Variants in GPC6 observed in about 807,000 individuals in gnomAD.
The protein encoded by GPC6 is glypican-6.
In GPC6, 14 loss-of-function variants were observed where a neutral mutation model predicts 55.2. That is an observed-to-expected ratio of 0.25 (90% confidence interval 0.17 to 0.40). GPC6 has a LOEUF of 0.40. Ranked by LOEUF, GPC6 falls within the 10% of genes least tolerant of loss-of-function variation. GPC6 has a pLI of 1.00. For missense variants in GPC6, 641 were observed against 708.5 expected, an observed-to-expected ratio of 0.90 and a Z score of 1.08; for synonymous variants, 278 against 259.6, an observed-to-expected ratio of 1.07 and a Z score of -0.68.
intron 1 of GPC6, among the ~76,000 whole-genome samples, chr13:93,531,848 C>T (rs1881880620): frequency 6.6e-6 from 1 of 152,108 alleles, no homozygotes; most frequent in Non-Finnish European, 1.5e-5. Flanking sequence ...ACTTCTCAAG[C>T]CCTAGAATAA....
chr13:93,807,567 A>T (rs529237813), intron 2 of GPC6, among the ~76,000 whole-genome samples: 1 of 152,204 alleles, frequency 6.6e-6, no homozygotes, highest in Non-Finnish European at 1.5e-5. Flanking sequence ...AAGAACTTAC[A>T]TTCCAACAAG....
At chr13:94,328,796 A>T (rs978296233) in intron 6 of GPC6, among the ~76,000 whole-genome samples, 16 of 152,146 alleles carry the variant, frequency 1.1e-4, no homozygotes, top group African/African-American at 3.1e-4. Context: ...CTGTGGGAGG[A>T]GATGCTGGCT....
chr13:93,354,917 G>C (rs982956963), intron 1 of GPC6, among the ~76,000 whole-genome samples: 3 of 152,046 alleles, frequency 2.0e-5, no homozygotes, highest in Non-Finnish European at 2.9e-5. Context: ...ACCTTCCTGT[G>C]TTTTTATCTA....
At chr13:94,004,433 C>G (rs1566643814) in intron 3 of GPC6, among the ~76,000 whole-genome samples, 1 of 152,052 alleles carries the variant, frequency 6.6e-6, no homozygotes, top group East Asian at 1.9e-4. Flanking sequence ...ATCCCAGTTT[C>G]ATGTCTGAAA....
At chr13:93,288,750 A>G (rs1878220086) in intron 1 of GPC6, among the ~76,000 whole-genome samples, 1 of 152,224 alleles carries the variant, frequency 6.6e-6, no homozygotes, top group Non-Finnish European at 1.5e-5. Context: ...TGATGTCTGG[A>G]TAACCAATGA....
At position 93,561,888 on chromosome 13, in the gene GPC6, GAGA is replaced by G. The variant is rs1328381394; in HGVS notation, c.319+16471_319+16473del. Among the ~76,000 whole-genome samples the G allele has an allele frequency of 2.0e-5, 3 of 152,226 alleles. No homozygotes were observed. In the East Asian group the frequency reaches 5.8e-4, roughly 30 times the overall value. ...TTGAGCCACCCATTGCAGGCTTGGGGAGAAGATTTTGAAGGGTCAAATTGCATG... is the reference window on the plus strand; with the variant it reads ...TTGAGCCACCCATTGCAGGCTTGGGGAGATTTTGAAGGGTCAAATTGCATG... On this transcript the variant is annotated intron_variant, in intron 2 of 8. Transcript: ENST00000377047.
intron 6 of GPC6, among the ~76,000 whole-genome samples, chr13:94,313,441 A>C (rs1375939111): frequency 6.6e-6 from 1 of 152,194 alleles, no homozygotes; most frequent in Non-Finnish European, 1.5e-5. Context: ...TCTTTTGGGC[A>C]TGTGTAAGAA....
At chr13:94,001,826 A>G (rs963491939) in intron 3 of GPC6, among the ~76,000 whole-genome samples, 19 of 152,174 alleles carry the variant, frequency 1.2e-4, no homozygotes, top group Admixed American at 5.9e-4. Flanking sequence ...GTTCAAGACT[A>G]TTGCAATGGG....
chr13:93,451,053 G>C (rs944999606), intron 1 of GPC6, among the ~76,000 whole-genome samples: 1 of 152,124 alleles, frequency 6.6e-6, no homozygotes, highest in Admixed American at 6.5e-5. Context: ...GGCAAGATCT[G>C]GCAGGAGCAA....
intron 2 of GPC6, among the ~76,000 whole-genome samples, chr13:93,613,978 T>A (rs1311729897): frequency 6.6e-6 from 1 of 152,222 alleles, no homozygotes; most frequent in Admixed American, 6.5e-5. Context: ...GGTGGGCAAT[T>A]GACTAGGTCA....
At chr13:93,275,391 A>T (rs988897985) in intron 1 of GPC6, among the ~76,000 whole-genome samples, 1 of 152,202 alleles carries the variant, frequency 6.6e-6, no homozygotes, top group African/African-American at 2.4e-5. Flanking sequence ...AGAGAGCCTC[A>T]TTCTTCAGAA....
intron 4 of GPC6, among the ~76,000 whole-genome samples, chr13:94,176,452 T>A (rs1470562450): frequency 2.0e-5 from 3 of 152,106 alleles, no homozygotes; most frequent in East Asian, 1.9e-4. Context: ...TGGAACTACA[T>A]CCCCAAAGCA....
intron 3 of GPC6, among the ~76,000 whole-genome samples, chr13:93,935,815 AG>A (rs935913728): frequency 6.6e-6 from 1 of 152,186 alleles, no homozygotes; most frequent in African/African-American, 2.4e-5. Context: ...TGTTTATCAA[AG>A]GTAGTTCTTG....
intron 3 of GPC6, among the ~76,000 whole-genome samples, chr13:93,940,794 C>T (rs190176209): frequency 7.2e-4 from 110 of 152,084 alleles, no homozygotes; most frequent in Middle Eastern, 3.4e-3. Context: ...CTTATCTCAT[C>T]GACATACATT....
chr13:93,445,710 A>G (rs544278603), intron 1 of GPC6, among the ~76,000 whole-genome samples: 3 of 152,222 alleles, frequency 2.0e-5, no homozygotes, highest in Non-Finnish European at 4.4e-5. Context: ...GATCTTATTC[A>G]GCTTTTCTAG....
intron 2 of GPC6, among the ~76,000 whole-genome samples, chr13:93,804,452 G>A (rs1225592896): frequency 2.6e-5 from 4 of 152,156 alleles, no homozygotes; most frequent in Non-Finnish European, 5.9e-5. Context: ...ATCCAGACAA[G>A]TTTGCGTACT....
At chr13:93,679,837 A>G (rs1881781945) in intron 2 of GPC6, among the ~76,000 whole-genome samples, 1 of 151,938 alleles carries the variant, frequency 6.6e-6, no homozygotes, top group South Asian at 2.1e-4. Context: ...GCAAAAAAAA[A>G]AAATGAACAA....
chr13:94,108,220 G>T (rs1886124081), intron 4 of GPC6, among the ~76,000 whole-genome samples: 2 of 152,074 alleles, frequency 1.3e-5, no homozygotes, highest in Non-Finnish European at 2.9e-5. Context: ...AAAAAGGAAT[G>T]AATTAATAGC....
At chr13:93,405,289 T>C (rs1026566940) in intron 1 of GPC6, among the ~76,000 whole-genome samples, 1 of 152,136 alleles carries the variant, frequency 6.6e-6, no homozygotes, top group Non-Finnish European at 1.5e-5. Flanking sequence ...ATCTGAGATA[T>C]GGTGTTGCGG....
Sources: gnomAD v4.1 joint callset for allele counts (sites outside exome capture counted in the v4.1 genomes callset) on GRCh38, gnomAD v4.1.1 for gene constraint, MANE v1.5 for transcripts, NCBI Gene and HGNC (gene_info 2026-07-23, HGNC 2026-07-21) for gene names.